FECH: variants seen among roughly 807,000 people sequenced by gnomAD.
The protein encoded by FECH is ferrochelatase, mitochondrial.
Under a neutral mutation model 56.9 loss-of-function variants are expected in FECH, and 40 were observed. That is an observed-to-expected ratio of 0.70 (90% CI 0.55 to 0.92). The LOEUF (loss-of-function observed/expected upper bound fraction) is 0.92. Ranked by LOEUF, FECH falls within the 40% of genes least tolerant of loss-of-function variation. The pLI is 0.00. For synonymous variants in FECH, 175 were observed against 198.6 expected (o/e 0.88, Z 1.00); for missense variants, 431 against 529.1 (o/e 0.81, Z 1.82).
Position 57,544,847 on chromosome 18 carries a change from T to C in FECH, c.*5865A>G, listed in dbSNP as rs2050699655. Among the ~76,000 whole-genome samples the C allele has an allele frequency of 6.6e-6, 1 of 152,226 alleles. No individual in the cohort carries two copies. Among genetic ancestry groups the C allele is most frequent in the Admixed American group, 6.5e-5 (1 of 15,286 alleles). ...CGAAATAATTAGAAAGTAATGAATTTAGAATGTTACCTTTGTTTTTAATAT... is the reference window on the plus strand; with the variant it reads ...CGAAATAATTAGAAAGTAATGAATTCAGAATGTTACCTTTGTTTTTAATAT... On this transcript the variant is annotated 3_prime_UTR_variant, in exon 11 of 11. Coordinates refer to ENST00000262093, the MANE Select transcript of FECH (RefSeq NM_000140.5).
intron 1 of FECH, among the ~76,000 whole-genome samples, chr18:57,582,830 T>C (rs2051304406): frequency 2.0e-5 from 3 of 149,874 alleles, no homozygotes; most frequent in Admixed American, 1.3e-4. Context: ...GAGAATGACA[T>C]GAACCCGGGA....
chr18:57,553,505 G>A (rs766859652), intron 9 of FECH, among the ~76,000 whole-genome samples: 4 of 152,126 alleles, frequency 2.6e-5, no homozygotes, highest in Non-Finnish European at 5.9e-5. Flanking sequence ...CAGAGAGGGA[G>A]GAAAGGGTTT....
intron 4 of FECH, 42 bp downstream of exon 4, chr18:57,571,350 A>G: frequency 6.2e-7 from 1 of 1,603,956 alleles, no homozygotes; most frequent in Non-Finnish European, 8.5e-7. Context: ...AACTACTTCG[A>G]AAGAACTAAT....
chr18:57,550,959 C>T, intron 10 of FECH, 113 bp from the exon 11 acceptor site: 1 of 1,411,648 alleles, frequency 7.1e-7, no homozygotes, highest in Non-Finnish European at 9.8e-7. Flanking sequence ...TTCTTTTCAT[C>T]CGAGTGGTGA....
chr18:57,544,911 A>C lies in FECH; in HGVS notation c.*5801T>G, dbSNP rs139119026. Among the ~76,000 whole-genome samples the C allele has an allele frequency of 7.6e-3, 1,158 of 152,376 alleles. 15 individuals carry two copies. The highest frequency in any genetic ancestry group is 0.026 in the African/African-American group (1,102 of 41,588). ...AGATATTATTTTAATGATTAACTTG[A>C]AATTTTAACAATTGGTTCACAAGCC... On this transcript the variant is annotated 3_prime_UTR_variant, in exon 11 of 11. Coordinates refer to ENST00000262093, the MANE Select transcript of FECH (RefSeq NM_000140.5).
At position 57,562,663 on chromosome 18, in the gene FECH, T is replaced by C. The variant is rs1736439; in HGVS notation, c.705+211A>G. On this transcript the variant is annotated intron_variant, in intron 6 of 10. Transcript: ENST00000262093. The stretch of plus-strand genomic sequence containing the variant: ...TGGTTTGGGACTAATAGCATTAATC[T>C]GAAGAAAGAAGAGTCTAGTCATTTT... Among the ~76,000 whole-genome samples the C allele has an allele frequency of 0.59, 89,856 of 152,028 alleles. 26,731 individuals carry two copies. The highest frequency in any genetic ancestry group is 0.62 in the Non-Finnish European group (42,268 of 67,968).
Position 57,547,203 on chromosome 18 carries a change from T to C in FECH, c.*3509A>G, listed in dbSNP as rs2050731583. ...TGGATGAGACTTTGAACTTGGACTT[T>C]TGGGTTAATGCTGGAATGAGTTAAG... is the stretch of plus-strand genomic sequence containing the variant. On this transcript the variant is annotated 3_prime_UTR_variant, in exon 11 of 11. Coordinates refer to ENST00000262093, the MANE Select transcript of FECH (RefSeq NM_000140.5). Among the ~76,000 whole-genome samples, 1 of 152,100 alleles carries C rather than the reference T, an allele frequency of 6.6e-6. No individual in the cohort carries two copies. Among genetic ancestry groups the C allele is most frequent in the South Asian group, 2.1e-4 (1 of 4,816 alleles).
rs528036799 is a variant in FECH, at chr18:57,576,495, G to C, written c.195-3130C>G. On this transcript the variant is annotated intron_variant, in intron 2 of 10. Coordinates refer to ENST00000262093, the MANE Select transcript of FECH (RefSeq NM_000140.5). Reference sequence around the variant, plus strand: ...AAATCTGTGACTCACAATAAATTAAGTGCATTTTCCCATGGATTGCTGCCA... The same window carrying C: ...AAATCTGTGACTCACAATAAATTAACTGCATTTTCCCATGGATTGCTGCCA... Among the ~76,000 whole-genome samples the C allele has an allele frequency of 1.8e-4, 28 of 152,188 alleles. 1 individual carries two copies. The South Asian group carries it at 5.4e-3, about 29-fold the overall frequency.
chr18:57,578,688 G>A (rs367682006), intron 2 of FECH, among the ~76,000 whole-genome samples: 5 of 150,326 alleles, frequency 3.3e-5, no homozygotes, highest in Non-Finnish European at 5.9e-5. Context: ...AAATAAAAAC[G>A]GTGGCTCACG....
At chr18:57,584,823 A>G (rs2051341629) in intron 1 of FECH, among the ~76,000 whole-genome samples, 1 of 148,464 alleles carries the variant, frequency 6.7e-6, no homozygotes, top group African/African-American at 2.5e-5. Context: ...TTTTCTAATT[A>G]CATAAGACAA....
intron 2 of FECH, among the ~76,000 whole-genome samples, chr18:57,579,547 C>T (rs1413223648): frequency 6.6e-6 from 1 of 152,072 alleles, no homozygotes; most frequent in African/African-American, 2.4e-5. Flanking sequence ...GCAACAATGC[C>T]ATGCCTGCTG....
rs765875996 is a variant in FECH at position 57,571,403 on chromosome 18, G to C, written c.452C>G (p.Ser151Cys). ...EGMVKLLDEL[S>C]PNTAPHKYYI... ...AAGAAACACCATACCTGTGTTGGGG[G>C]ACAATTCATCCAGCAGCTTCACCAT... is the stretch of plus-strand genomic sequence containing the variant. Residue 151 changes from serine (S) to cysteine (C), a missense_variant, in exon 4 of 11, where the codon TCC becomes TGC. Ser to Cys is a moderately radical substitution (Grantham distance 112). Transcript: ENST00000262093. 1 of 1,613,978 alleles carries C rather than the reference G, an allele frequency of 6.2e-7. No homozygotes were observed. Among genetic ancestry groups the C allele is most frequent in the East Asian group, 2.2e-5 (1 of 44,842 alleles).
At chr18:57,570,528 G>A (rs1216717159) in intron 4 of FECH, among the ~76,000 whole-genome samples, 1 of 152,176 alleles carries the variant, frequency 6.6e-6, no homozygotes, top group Non-Finnish European at 1.5e-5. Flanking sequence ...CCTGCCTAGT[G>A]GAGCTGTTCT....
rs71355630 is a variant in FECH at position 57,579,886 on chromosome 18, C to T, written c.194+187G>A. ...GTGTCTTTTAACAATAGCCCTGTTG[C>T]AGGGAAGGATCCAGTGGGGAAGGAG... is the stretch of plus-strand genomic sequence containing the variant. On this transcript the variant is annotated intron_variant, in intron 2 of 10. Transcript: ENST00000262093. Among the ~76,000 whole-genome samples the T allele has an allele frequency of 0.11, 17,496 of 152,196 alleles. 1,139 individuals carry two copies. Among genetic ancestry groups the T allele is most frequent in the Non-Finnish European group, 0.15 (10,481 of 67,982 alleles).
At position 57,550,650 on chromosome 18, in the gene FECH, C is replaced by T; in HGVS notation, c.*62G>A. On this transcript the variant is annotated 3_prime_UTR_variant, in exon 11 of 11. Transcript: ENST00000262093. ...CCTTGATCTCTAAATAACACCCTCT[C>T]CACATCGGAGGTATCTGGAGGTTGG... 6.2e-7 allele frequency: 1 copy of T among 1,608,916 alleles called. No individual in the cohort carries two copies. The highest frequency in any genetic ancestry group is 1.1e-5 in the South Asian group (1 of 90,630).
At chr18:57,562,815 T>C in intron 6 of FECH, 59 bp downstream of exon 6, 1 of 1,342,172 alleles carries the variant, frequency 7.5e-7, no homozygotes, top group Non-Finnish European at 1.1e-6. Context: ...CCAGAAGGGA[T>C]GAGAAGCTGA....
At position 57,571,554 on chromosome 18, in the gene FECH, C is replaced by G. The variant is rs779959463; in HGVS notation, c.315-14G>C. On this transcript the variant is annotated splice_polypyrimidine_tract_variant and intron_variant, in intron 3 of 10. Transcript: ENST00000262093. The stretch of plus-strand genomic sequence containing the variant: ...GGTGCCAGCTTACTAAATCATTTAA[C>G]ATACAGGTAAGTGGATTTTATTCCA... 1.2e-5 allele frequency: 20 copies of G among 1,613,904 alleles called. No homozygotes were observed. The highest frequency in any genetic ancestry group is 6.7e-5 in the Admixed American group (4 of 59,988).
chr18:57,571,832 C>A (rs1165067735), intron 3 of FECH, among the ~76,000 whole-genome samples: 1 of 152,190 alleles, frequency 6.6e-6, no homozygotes, highest in Admixed American at 6.5e-5. Context: ...TGGATGTGCG[C>A]TAGCTACTAG....
rs112338053 is a variant in FECH, at chr18:57,547,369, C to A, written c.*3343G>T. On this transcript the variant is annotated 3_prime_UTR_variant, in exon 11 of 11. Transcript: ENST00000262093. ...ATTTCAAATTGTAATCCCCATAATC[C>A]CCACGTGTTGAGGGAGGGACCTGGT... Among the ~76,000 whole-genome samples, 221 of 152,202 alleles carry A rather than the reference C, an allele frequency of 1.5e-3. No homozygotes were observed. The highest frequency in any genetic ancestry group is 4.9e-3 in the African/African-American group (203 of 41,512).
Sources: gnomAD v4.1 joint callset for allele counts (sites outside exome capture counted in the v4.1 genomes callset) on GRCh38, gnomAD v4.1.1 for gene constraint, MANE v1.5 for transcripts, NCBI Gene and HGNC (gene_info 2026-07-23, HGNC 2026-07-21) for gene names.